NBAS: variants seen among roughly 807,000 people sequenced by gnomAD.
The protein encoded by NBAS is NBAS subunit of NRZ tethering complex.
In NBAS, 219 loss-of-function variants were observed where a neutral mutation model predicts 302.5. The observed-to-expected ratio is 0.72, with a 90% CI of 0.65 to 0.81. NBAS has a LOEUF of 0.81. Ranked by LOEUF, NBAS falls within the 30% of genes least tolerant of loss-of-function variation. The pLI, the probability that NBAS is intolerant of heterozygous loss-of-function variation, is 0.00. For synonymous variants in NBAS, 1,118 were observed against 1,021.6 expected (o/e 1.09, Z -1.80); for missense variants, 2,932 against 2,841.6 (o/e 1.03, Z -0.72).
At chr2:15,151,776 G>A in the NBAS span, among the ~76,000 whole-genome samples, 1 of 152,146 alleles carries the variant, frequency 6.6e-6, no homozygotes, top group Non-Finnish European at 1.5e-5. Flanking sequence ...GGTTTCTTCA[G>A]TCTCCTAGTA....
chr2:14,875,216 G>A, the NBAS span, among the ~76,000 whole-genome samples: 9 of 152,168 alleles, frequency 5.9e-5, no homozygotes, highest in African/African-American at 2.2e-4. Flanking sequence ...GATTGTCTAT[G>A]TAGAACATCC....
the NBAS span, among the ~76,000 whole-genome samples, chr2:14,805,422 T>C: frequency 6.6e-6 from 1 of 151,798 alleles, no homozygotes; most frequent in African/African-American, 2.4e-5. Flanking sequence ...GGATAAGGAG[T>C]CTGAACTTTA....
chr2:15,470,549 T>A (rs972813603), intron 16 of NBAS, among the ~76,000 whole-genome samples: 4 of 152,196 alleles, frequency 2.6e-5, no homozygotes, highest in Non-Finnish European at 4.4e-5. Context: ...ACTGGCCTCA[T>A]AAATCATGCT....
At chr2:14,826,661 G>A in the NBAS span, among the ~76,000 whole-genome samples, 1 of 152,224 alleles carries the variant, frequency 6.6e-6, no homozygotes, top group African/African-American at 2.4e-5. Flanking sequence ...GTGTTTTAGT[G>A]CACAAGAGAG....
the NBAS span, among the ~76,000 whole-genome samples, chr2:15,000,861 A>G: frequency 0.015 from 2,280 of 152,298 alleles, 70 homozygotes; most frequent in African/African-American, 0.053. Context: ...CTTGGCAGTC[A>G]TGTTCTCACA....
chr2:15,369,232 T>C (rs1014669985), intron 31 of NBAS, among the ~76,000 whole-genome samples: 2 of 152,228 alleles, frequency 1.3e-5, no homozygotes, highest in South Asian at 4.1e-4. Context: ...TATTGTATTC[T>C]TCTTAGAGAA....
chr2:14,796,745 T>A, the NBAS span, among the ~76,000 whole-genome samples: 1 of 151,860 alleles, frequency 6.6e-6, no homozygotes, highest in African/African-American at 2.4e-5. Flanking sequence ...CTATTCCTGT[T>A]TGCCTGCTCT....
At chr2:15,445,151 C>G (rs1471702690) in intron 21 of NBAS, among the ~76,000 whole-genome samples, 3 of 151,640 alleles carry the variant, frequency 2.0e-5, no homozygotes, top group Non-Finnish European at 2.9e-5. Context: ...CATCCCATTA[C>G]TGGGTATATA....
At chr2:14,925,600 T>G in the NBAS span, among the ~76,000 whole-genome samples, 1 of 152,212 alleles carries the variant, frequency 6.6e-6, no homozygotes, top group South Asian at 2.1e-4. Flanking sequence ...CTTTACAGAA[T>G]GGCATTTTTC....
intron 21 of NBAS, among the ~76,000 whole-genome samples, chr2:15,439,869 C>T (rs547059211): frequency 2.6e-5 from 4 of 152,226 alleles, no homozygotes; most frequent in African/African-American, 4.8e-5. Context: ...GCACCTGGCT[C>T]GGAGGGTCCT....
chr2:15,152,967 G>C, the NBAS span, among the ~76,000 whole-genome samples: 1 of 152,350 alleles, frequency 6.6e-6, no homozygotes, highest in East Asian at 1.9e-4. Context: ...TTAGGGCCAA[G>C]ATCCACAGTA....
chr2:15,165,970 C>T (rs1021923955), downstream of NBAS, among the ~76,000 whole-genome samples: 10 of 152,158 alleles, frequency 6.6e-5, no homozygotes, highest in Admixed American at 5.2e-4. Flanking sequence ...ATGCCTCCAA[C>T]GGCCCCCCGG....
chr2:15,264,042 T>C (rs1342200134), intron 44 of NBAS, among the ~76,000 whole-genome samples: 1 of 152,162 alleles, frequency 6.6e-6, no homozygotes, highest in Non-Finnish European at 1.5e-5. Context: ...GTTTGAAAGG[T>C]ACTTAAATGA....
chr2:15,333,840 TAAAAAA>T (rs554151194), intron 35 of NBAS, among the ~76,000 whole-genome samples: 1 of 92,444 alleles, frequency 1.1e-5, no homozygotes, highest in African/African-American at 3.6e-5. Flanking sequence ...ACAGTGGAGG[TAAAAAA>T]AAAAAAAAAA....
chr2:14,801,423 A>C, the NBAS span, among the ~76,000 whole-genome samples: 1 of 152,184 alleles, frequency 6.6e-6, no homozygotes, highest in Non-Finnish European at 1.5e-5. Context: ...TTATTCTGCA[A>C]TGATTAATTT....
chr2:15,517,076 C>T (rs539211623), intron 9 of NBAS, among the ~76,000 whole-genome samples: 13 of 151,946 alleles, frequency 8.6e-5, no homozygotes, highest in Admixed American at 5.2e-4. Context: ...TAGAGAAATT[C>T]TTGCACAGGT....
chr2:15,297,408 C>T (rs1253005550), intron 40 of NBAS, among the ~76,000 whole-genome samples: 1 of 152,176 alleles, frequency 6.6e-6, no homozygotes, highest in African/African-American at 2.4e-5. Flanking sequence ...ATTGTAATCC[C>T]CATGTGCTGA....
chr2:15,307,576 C>T (rs1355114498), intron 40 of NBAS, among the ~76,000 whole-genome samples: 1 of 152,014 alleles, frequency 6.6e-6, no homozygotes, highest in African/African-American at 2.4e-5. Context: ...TTTCACAATG[C>T]CAATAATTAA....
chr2:15,452,201 A>T (rs1238651642), intron 21 of NBAS, among the ~76,000 whole-genome samples: 1 of 152,228 alleles, frequency 6.6e-6, no homozygotes, highest in Admixed American at 6.5e-5. Flanking sequence ...ACGTGAATGT[A>T]CTTAACAATG....
Sources: gnomAD v4.1 joint callset for allele counts (sites outside exome capture counted in the v4.1 genomes callset) on GRCh38, gnomAD v4.1.1 for gene constraint, MANE v1.5 for transcripts, NCBI Gene and HGNC (gene_info 2026-07-23, HGNC 2026-07-21) for gene names.